The following SOD2 variants were observed in gnomAD, a reference collection of about 807,000 sequenced individuals.
SOD2 encodes superoxide dismutase 2, also known as superoxide dismutase [Mn], mitochondrial.
In SOD2, 11 loss-of-function variants were observed where a neutral mutation model predicts 27.0. That is an observed-to-expected ratio of 0.41 (90% CI 0.26 to 0.67). SOD2 has a LOEUF of 0.67. SOD2 is among the 30% of genes least tolerant of loss of function. The pLI is 0.34. For synonymous variants in SOD2, 105 were observed against 103.0 expected, an observed-to-expected ratio of 1.02 and a Z score of -0.12; for missense variants, 250 against 274.5, an observed-to-expected ratio of 0.91 and a Z score of 0.63.
chr6:159,698,612 T>TA (rs1777471434), intron 1 of SOD2, among the ~76,000 whole-genome samples: 1 of 122,944 alleles, frequency 8.1e-6, no homozygotes. Flanking sequence ...ATAAAACATT[T>TA]AGAAAAAAAA....
Position 159,733,110 on chromosome 6 carries a change from G to A in SOD2, c.-116+12020C>T, listed in dbSNP as rs73802947. Reference sequence around the variant, plus strand: ...GCCACCAGGTTAAGGTAGTTACAAAGCAGCTTTCTGTAATGGCAGCAGAGA... The same window carrying A: ...GCCACCAGGTTAAGGTAGTTACAAAACAGCTTTCTGTAATGGCAGCAGAGA... On this transcript the variant is annotated intron_variant, in intron 1 of 3. Transcript: ENST00000537657. Among the ~76,000 whole-genome samples the A allele has an allele frequency of 1.0e-2, 1,515 of 152,164 alleles. 22 individuals carry two copies. Among genetic ancestry groups the A allele is most frequent in the Middle Eastern group, 0.034 (10 of 294 alleles).
At chr6:159,717,366 CAGT>C (rs1315571723) in intron 1 of SOD2, among the ~76,000 whole-genome samples, 1 of 152,148 alleles carries the variant, frequency 6.6e-6, no homozygotes, top group Non-Finnish European at 1.5e-5. Context: ...TCTCCCACCT[CAGT>C]ATCCCAAAGT....
chr6:159,703,717 A>G (rs1305895962), intron 1 of SOD2, among the ~76,000 whole-genome samples: 1 of 152,232 alleles, frequency 6.6e-6, no homozygotes, highest in Admixed American at 6.5e-5. Flanking sequence ...AAACTTTTCA[A>G]TGTATTTATG....
At chr6:159,742,377 A>G (rs111793095) in intron 1 of SOD2, among the ~76,000 whole-genome samples, 4 of 152,184 alleles carry the variant, frequency 2.6e-5, no homozygotes, top group African/African-American at 9.7e-5. Context: ...ACTTAGCAAA[A>G]TTATATGCAA....
upstream of SOD2, chr6:159,748,440 C>G: frequency 6.3e-7 from 1 of 1,576,314 alleles, no homozygotes; most frequent in Non-Finnish European, 8.6e-7. The surrounding 1 kb of genome is among the most constrained non-coding windows in gnomAD (Gnocchi z 5.6). Context: ...GGTGGGACAG[C>G]CAAGTACTCG....
At chr6:159,761,946 C>A (rs1780141905) in exon 1 of SOD2, 2 of 980,690 alleles carry the variant, frequency 2.0e-6, no homozygotes, top group Non-Finnish European at 3.1e-6. Context: ...CAGTGGGATG[C>A]GCGGGGAGGT....
rs375968103 is a variant in SOD2 at position 159,704,645 on chromosome 6, A to C, written c.-115-11782T>G. 6.4e-4 allele frequency among the ~76,000 whole-genome samples: 98 copies of C among 152,338 alleles called. 1 individual carries two copies. In the East Asian group the frequency reaches 0.018, roughly 27 times the overall value. On this transcript the variant is annotated intron_variant, in intron 1 of 2. Coordinates refer to the SOD2 transcript ENST00000401980. ...CAGCCAGGAAGCTCGGACTGGATGGAGCCCACTGCAGCTCAAGGAGGCCTG... is the reference window on the plus strand; with the variant it reads ...CAGCCAGGAAGCTCGGACTGGATGGCGCCCACTGCAGCTCAAGGAGGCCTG...
chr6:159,758,500 C>T (rs1780060404), intron 1 of SOD2, among the ~76,000 whole-genome samples: 1 of 152,198 alleles, frequency 6.6e-6, no homozygotes, highest in Non-Finnish European at 1.5e-5. Flanking sequence ...CTTCTGACAA[C>T]TTACTTTCTC....
intron 3 of SOD2, among the ~76,000 whole-genome samples, chr6:159,685,300 T>A (rs1780138196): frequency 7.2e-6 from 1 of 138,268 alleles, no homozygotes; most frequent in African/African-American, 2.6e-5. Context: ...TGGAGTGCAA[T>A]GCCATGATCT....
At chr6:159,732,886 AGTGTGTGTGTGTG>A (rs1269467694) in intron 1 of SOD2, among the ~76,000 whole-genome samples, 22 of 146,486 alleles carry the variant, frequency 1.5e-4, no homozygotes, top group South Asian at 6.5e-4. Context: ...ATATATATAT[AGTGTGTGTGTGTG>A]TGTGTGTGTG....
rs1777864419 is a variant in SOD2 at position 159,713,274 on chromosome 6, C to T, written c.-116+13855G>A. On this transcript the variant is annotated intron_variant, in intron 1 of 2. Coordinates refer to the SOD2 transcript ENST00000401980. ...TTACAGCCACGATAGTCATCATAGC[C>T]TCTATACCCTCCACCATAGGGACCC... The T allele has an allele frequency of 4.3e-6, 3 of 692,084 alleles. No individual in the cohort carries two copies. The African/African-American group carries it at 5.4e-5, about 12-fold the overall frequency. 42.9% of individuals were successfully genotyped at this position (692,084 alleles called of 1,614,324 possible). A position where few individuals can be genotyped will look rare whatever the true frequency, so the allele number is the denominator to read the frequency against.
intron 1 of SOD2, chr6:159,713,351 C>T: frequency 1.5e-6 from 1 of 653,808 alleles, no homozygotes; most frequent in Non-Finnish European, 2.8e-6. Flanking sequence ...ACACCTCAGC[C>T]AGCCCCTGGC....
At chr6:159,742,277 C>T (rs979845294) in intron 1 of SOD2, 1 of 685,480 alleles carries the variant, frequency 1.5e-6, no homozygotes, top group East Asian at 3.0e-5. Context: ...TACATAGGCA[C>T]TGTGTTGGGT....
At chr6:159,692,318 C>T (rs969357771) in intron 2 of SOD2, 5 of 952,070 alleles carry the variant, frequency 5.3e-6, no homozygotes, top group African/African-American at 1.7e-5. Context: ...TTTCAATTTG[C>T]AAAAAAAACG....
upstream of SOD2, chr6:159,727,497 C>A (rs1778259266): frequency 1.1e-5 from 11 of 993,150 alleles, no homozygotes; most frequent in Non-Finnish European, 1.2e-5. Flanking sequence ...GGCGGCGGGG[C>A]CTGGTTTCCT....
intron 1 of SOD2, among the ~76,000 whole-genome samples, chr6:159,740,591 G>T (rs986127176): frequency 6.6e-6 from 1 of 151,610 alleles, no homozygotes; most frequent in Non-Finnish European, 1.5e-5. Context: ...GGTAAACTAC[G>T]TGTCTTAGGT....
intron 1 of SOD2, chr6:159,742,192 G>T: frequency 6.9e-7 from 1 of 1,457,754 alleles, no homozygotes; most frequent in South Asian, 1.2e-5. Context: ...ATCTCCTTTT[G>T]ATTGTTAAAA....
intron 1 of SOD2, among the ~76,000 whole-genome samples, chr6:159,757,419 C>CT (rs4038770): frequency 0.46 from 66,424 of 143,442 alleles, 17,096 homozygotes; most frequent in Non-Finnish European, 0.58. Context: ...TTCTTTTTCT[C>CT]TTTTTTTTTT....
At chr6:159,712,110 G>A (rs878934059) in intron 1 of SOD2, among the ~76,000 whole-genome samples, 15 of 28,510 alleles carry the variant, frequency 5.3e-4, no homozygotes, top group Non-Finnish European at 6.8e-4. Context: ...CCACCACTCA[G>A]CTGCTCAGAC....
Sources: allele counts gnomAD v4.1 joint callset (sites outside exome capture counted in the v4.1 genomes callset), GRCh38; gene constraint gnomAD v4.1.1; non-coding constraint Gnocchi (gnomAD v3.1); transcripts MANE v1.5; gene names NCBI Gene and HGNC (gene_info 2026-07-23, HGNC 2026-07-21).